FGF7: variants seen among roughly 807,000 people sequenced by gnomAD.
FGF7 encodes fibroblast growth factor 7, also known as FGF-7.
Under a neutral mutation model 20.5 loss-of-function variants are expected in FGF7, and 6 were observed. The ratio of observed to expected loss-of-function variants is 0.29; its 90% CI spans 0.16 to 0.58. The LOEUF (loss-of-function observed/expected upper bound fraction) is 0.58, where lower values mean the gene tolerates loss of function less well. Ranked by LOEUF, FGF7 falls within the 20% of genes least tolerant of loss-of-function variation. The pLI, the probability that FGF7 is intolerant of heterozygous loss-of-function variation, is 0.90. For missense variants in FGF7, 144 were observed against 228.8 expected (o/e 0.63, Z 2.39); for synonymous variants, 64 against 74.7 (o/e 0.86, Z 0.74).
chr15:49,468,012 C>T (rs191175233), intron 2 of FGF7, among the ~76,000 whole-genome samples: 8 of 152,216 alleles, frequency 5.3e-5, no homozygotes, highest in Admixed American at 1.3e-4. Context: ...ATAGTTCTAA[C>T]GCTGCTGAAA....
intron 2 of FGF7, among the ~76,000 whole-genome samples, chr15:49,437,666 G>A (rs2051231031): frequency 6.6e-6 from 1 of 151,634 alleles, no homozygotes; most frequent in African/African-American, 2.4e-5. Context: ...TCTGAAAGTT[G>A]CAGTGGCTCT....
chr15:49,430,227 A>G (rs1242057336), intron 2 of FGF7, among the ~76,000 whole-genome samples: 1 of 151,936 alleles, frequency 6.6e-6, no homozygotes, highest in Non-Finnish European at 1.5e-5. Context: ...GCAGGGAAGA[A>G]TAGGTTCTGT....
At chr15:49,460,821 T>A (rs1230732852) in intron 2 of FGF7, among the ~76,000 whole-genome samples, 2 of 152,226 alleles carry the variant, frequency 1.3e-5, no homozygotes, top group East Asian at 3.8e-4. Flanking sequence ...GCTTTGTGTG[T>A]GAGGCAGATA....
rs960536767 is a variant in FGF7 at position 49,485,522 on chromosome 15, T to C, written c.*1018T>C. On this transcript the variant is annotated 3_prime_UTR_variant, in exon 4 of 4. Coordinates refer to ENST00000267843, the MANE Select transcript of FGF7 (RefSeq NM_002009.4). ...TATCTGTTTCATATGCTTTTAATTT[T>C]AAAGGAATAACAAAACTGTCTGGCT... 2.0e-5 allele frequency: 3 copies of C among 152,482 alleles called. No individual in the cohort carries two copies. The highest frequency in any genetic ancestry group is 4.4e-5 in the Non-Finnish European group (3 of 67,964). The allele number at this position is 152,482 out of a possible 1,614,324, so 9.4% of individuals were successfully genotyped here.
intron 2 of FGF7, among the ~76,000 whole-genome samples, chr15:49,426,826 T>C (rs1467735937): frequency 1.3e-5 from 2 of 151,980 alleles, no homozygotes; most frequent in South Asian, 2.1e-4. Context: ...TTTACTTCTA[T>C]AAACTTTTTA....
At chr15:49,425,322 A>AT (rs1034869390) in intron 2 of FGF7, 2 of 151,930 alleles carry the variant, frequency 1.3e-5, no homozygotes, top group African/African-American at 2.4e-5. Flanking sequence ...AAAGCCTTAC[A>AT]TTTTTCCCAA....
intron 2 of FGF7, among the ~76,000 whole-genome samples, chr15:49,436,485 A>G (rs1046825089): frequency 6.6e-6 from 1 of 151,628 alleles, no homozygotes; most frequent in African/African-American, 2.4e-5. Flanking sequence ...TTTTTCCCTC[A>G]ATGAAAACAT....
Position 49,486,333 on chromosome 15 carries a change from A to G in FGF7, c.*1829A>G, listed in dbSNP as rs2056399740. The G allele has an allele frequency of 6.6e-6, 1 of 152,024 alleles. No homozygotes were observed. The highest frequency in any genetic ancestry group is 2.4e-5 in the African/African-American group (1 of 41,436). The allele number at this position is 152,024 out of a possible 1,614,324, so 9.4% of individuals were successfully genotyped here. The stretch of plus-strand genomic sequence containing the variant: ...CTCAGATATACTCTTGGGAGAGAGC[A>G]TGAATGGTATTCTGAACTATCACCT... On this transcript the variant is annotated 3_prime_UTR_variant, in exon 4 of 4. Transcript: ENST00000267843.
chr15:49,428,450 T>A (rs1453366080), intron 2 of FGF7, among the ~76,000 whole-genome samples: 2 of 152,032 alleles, frequency 1.3e-5, no homozygotes, highest in Non-Finnish European at 2.9e-5. Context: ...CTTCCACTTT[T>A]GTTGTCAGAA....
intron 2 of FGF7, among the ~76,000 whole-genome samples, chr15:49,445,988 T>C (rs1040137273): frequency 1.3e-5 from 2 of 151,612 alleles, no homozygotes; most frequent in Non-Finnish European, 3.0e-5. Context: ...TATAAATTCA[T>C]GAATTTTTTC....
At chr15:49,437,566 T>C (rs1051267946) in intron 2 of FGF7, among the ~76,000 whole-genome samples, 9 of 151,688 alleles carry the variant, frequency 5.9e-5, no homozygotes, top group African/African-American at 2.2e-4. Context: ...TGTTTCTCAA[T>C]ATTTTTCTGA....
chr15:49,443,844 T>G (rs2051911733), intron 2 of FGF7, among the ~76,000 whole-genome samples: 1 of 151,770 alleles, frequency 6.6e-6, no homozygotes, highest in African/African-American at 2.4e-5. Context: ...TATATGCTTG[T>G]GTGCTATGCT....
In FGF7 at chr15:49,486,498, T is replaced by C. The variant is rs2056412984; in HGVS notation, c.*1994T>C. On this transcript the variant is annotated 3_prime_UTR_variant, in exon 4 of 4. Coordinates refer to ENST00000267843, the MANE Select transcript of FGF7 (RefSeq NM_002009.4). ...AGCAGACTATCTGTTCATAATCAGT[T>C]TTCAGTGTGAATTCACTGAATGTTT... 1 of 151,992 alleles carries C rather than the reference T, an allele frequency of 6.6e-6. No individual in the cohort carries two copies. Among genetic ancestry groups the C allele is most frequent in the South Asian group, 2.1e-4 (1 of 4,822 alleles). 9.4% of individuals were successfully genotyped at this position (151,992 alleles called of 1,614,324 possible). A position where few individuals can be genotyped will look rare whatever the true frequency, so the allele number is the denominator to read the frequency against.
Position 49,471,965 on chromosome 15 carries a change from A to T in FGF7, c.287-11186A>T, listed in dbSNP as rs575777110. On this transcript the variant is annotated intron_variant, in intron 2 of 3. Coordinates refer to ENST00000267843, the MANE Select transcript of FGF7 (RefSeq NM_002009.4). ...TGGATAAGAAAGTGAAAGACATGACAGCACAGGTGTTGTTTTCATTTTTTC... is the reference window on the plus strand; with the variant it reads ...TGGATAAGAAAGTGAAAGACATGACTGCACAGGTGTTGTTTTCATTTTTTC... 8.8e-4 allele frequency among the ~76,000 whole-genome samples: 134 copies of T among 152,208 alleles called. 5 individuals are homozygous for T. The South Asian group carries it at 0.027, about 30-fold the overall frequency.
chr15:49,481,174 C>A (rs1166935837), intron 2 of FGF7, among the ~76,000 whole-genome samples: 1 of 152,196 alleles, frequency 6.6e-6, no homozygotes, highest in African/African-American at 2.4e-5. Flanking sequence ...TAGAAACCAA[C>A]TATTCCATAT....
intron 2 of FGF7, among the ~76,000 whole-genome samples, chr15:49,454,960 A>G (rs2053140481): frequency 6.6e-6 from 1 of 152,130 alleles, no homozygotes; most frequent in East Asian, 1.9e-4. Context: ...ACCATGTTCC[A>G]TTAGCCAATT....
intron 2 of FGF7, among the ~76,000 whole-genome samples, chr15:49,477,835 A>G (rs2055493807): frequency 6.6e-6 from 1 of 152,214 alleles, no homozygotes; most frequent in African/African-American, 2.4e-5. Flanking sequence ...TTGCCAGCAT[A>G]CAGCACTGTT....
rs1282915684 is a variant in FGF7 at position 49,487,857 on chromosome 15, C to T, written c.*3353C>T. ...ACACCAGTAAGCAAAATTGATACAT[C>T]AGAATGACTTGCAGGGCTTATCATG... On this transcript the variant is annotated 3_prime_UTR_variant, in exon 4 of 4. Coordinates refer to ENST00000267843, the MANE Select transcript of FGF7 (RefSeq NM_002009.4). The T allele has an allele frequency of 6.6e-6, 1 of 151,908 alleles. No homozygotes were observed. Among genetic ancestry groups the T allele is most frequent in the African/African-American group, 2.4e-5 (1 of 41,398 alleles). 9.4% of individuals were successfully genotyped at this position (151,908 alleles called of 1,614,324 possible). A position where few individuals can be genotyped will look rare whatever the true frequency, so the allele number is the denominator to read the frequency against.
intron 2 of FGF7, among the ~76,000 whole-genome samples, chr15:49,451,805 A>G (rs1250414313): frequency 2.0e-5 from 3 of 152,188 alleles, no homozygotes; most frequent in African/African-American, 7.2e-5. Context: ...CTTATATAGC[A>G]ATCAAGAGCG....
Sources: gnomAD v4.1 joint callset for allele counts (sites outside exome capture counted in the v4.1 genomes callset) on GRCh38, gnomAD v4.1.1 for gene constraint, MANE v1.5 for transcripts, NCBI Gene and HGNC (gene_info 2026-07-23, HGNC 2026-07-21) for gene names.